Variants in MAFF observed in about 807,000 individuals in gnomAD.
MAFF encodes transcription factor MafF.
MAFF carries 4 observed loss-of-function variants against 2.7 expected under a neutral mutation model. The ratio of observed to expected loss-of-function variants is 1.48; its 90% CI spans 0.73 to 3.39. The LOEUF (loss-of-function observed/expected upper bound fraction) is 3.39, where lower values mean the gene tolerates loss of function less well. MAFF is among the 30% of genes most tolerant of loss of function. The pLI, the probability that MAFF is intolerant of heterozygous loss-of-function variation, is 0.01. For missense variants in MAFF, 190 were observed against 246.6 expected, an observed-to-expected ratio of 0.77 and a Z score of 1.54; for synonymous variants, 113 against 119.4, an observed-to-expected ratio of 0.95 and a Z score of 0.35.
chr22:38,202,924 T>A lies in MAFF; in HGVS notation c.-32+712T>A, dbSNP rs1295405114. On this transcript the variant is annotated intron_variant, in intron 1 of 2. Transcript: ENST00000338483. This position sits in a 1 kb window ranked among gnomAD's most constrained non-coding sequence, Gnocchi z 7.4. ...TCCGTCCCCGGCTCTCCCCGGAGTTTCCCAGGGCCTCCGCCACGTGACCCC... is the reference window on the plus strand; with the variant it reads ...TCCGTCCCCGGCTCTCCCCGGAGTTACCCAGGGCCTCCGCCACGTGACCCC... 2 of 152,204 alleles carry A rather than the reference T, an allele frequency of 1.3e-5. No homozygotes were observed. The highest frequency in any genetic ancestry group is 2.9e-5 in the Non-Finnish European group (2 of 68,134). The allele number at this position is 152,204 out of a possible 1,614,324, so 9.4% of individuals were successfully genotyped here.
chr22:38,205,380 C>A, intron 1 of MAFF: 1 of 152,138 alleles, frequency 6.6e-6, no homozygotes. Context: ...GGAGGAGGCT[C>A]CAGCAGTGCT....
At chr22:38,206,963 A>G (rs1361814381) in intron 1 of MAFF, among the ~76,000 whole-genome samples, 1 of 152,064 alleles carries the variant, frequency 6.6e-6, no homozygotes, top group Non-Finnish European at 1.5e-5. Context: ...CCCAACACAA[A>G]TCCTGGAGAA....
At position 38,214,307 on chromosome 22, in the gene MAFF, G is replaced by A; in HGVS notation, c.37-113G>A. On this transcript the variant is annotated intron_variant, in intron 2 of 2. Coordinates refer to ENST00000338483, the MANE Select transcript of MAFF (RefSeq NM_012323.4). This position sits in a 1 kb window ranked among gnomAD's most constrained non-coding sequence, Gnocchi z 6.3. ...GATTCCTGCTCCCCTTCGGGGTTTT[G>A]GATCAAGTCCACCCACCACCTCGGC... 1 of 1,048,966 alleles carries A rather than the reference G, an allele frequency of 9.5e-7. No homozygotes were observed. The highest frequency in any genetic ancestry group is 1.3e-6 in the Non-Finnish European group (1 of 747,802). 65.0% of individuals were successfully genotyped at this position (1,048,966 alleles called of 1,614,324 possible).
At chr22:38,204,442 A>G (rs768273117) in intron 1 of MAFF, among the ~76,000 whole-genome samples, 1 of 152,134 alleles carries the variant, frequency 6.6e-6, no homozygotes, top group Non-Finnish European at 1.5e-5. Flanking sequence ...GCTGTGATTC[A>G]CTTCAGGGTC....
At chr22:38,212,644 G>C (rs2091109802) in intron 1 of MAFF, among the ~76,000 whole-genome samples, 1 of 152,162 alleles carries the variant, frequency 6.6e-6, no homozygotes, top group African/African-American at 2.4e-5. Flanking sequence ...ATTGGTCTAG[G>C]GATGGCTGCC....
chr22:38,214,812 C>T lies in MAFF; in HGVS notation c.429C>T (p.Thr143=). 1 of 1,489,828 alleles carries T rather than the reference C, an allele frequency of 6.7e-7. No individual in the cohort carries two copies. The allele number at this position is 1,489,828 out of a possible 1,614,324, so 92.3% of individuals were successfully genotyped here. ...GCGTCATCACCATCGTCAAGTCCAC[C>T]CCGGGCTCGGGGTCTGGCCCCGCCC... ...PASVITIVKS[T]PGSGSGPAHG... is the part of the protein sequence containing the mutation. The change falls in exon 3 of 3, where the codon ACC becomes ACT. Residue 143 remains threonine (T), a synonymous_variant. Transcript: ENST00000338483. The surrounding 1 kb of genome is among the most constrained non-coding windows in gnomAD (Gnocchi z 6.3).
intron 1 of MAFF, among the ~76,000 whole-genome samples, chr22:38,207,945 C>A (rs1192749892): frequency 6.6e-6 from 1 of 152,160 alleles, no homozygotes; most frequent in African/African-American, 2.4e-5. Context: ...AGGTTTCAGT[C>A]CTGGGCCTTT....
rs1238708387 is a variant in MAFF, at chr22:38,214,323, C to A, written c.37-97C>A. 8.3e-7 allele frequency: 1 copy of A among 1,202,650 alleles called. No individual in the cohort carries two copies. The highest frequency in any genetic ancestry group is 1.5e-5 in the African/African-American group (1 of 65,170). The allele number at this position is 1,202,650 out of a possible 1,614,324, so 74.5% of individuals were successfully genotyped here. On this transcript the variant is annotated intron_variant, in intron 2 of 2. Transcript: ENST00000338483. This position sits in a 1 kb window ranked among gnomAD's most constrained non-coding sequence, Gnocchi z 6.3. ...CGGGGTTTTGGATCAAGTCCACCCA[C>A]CACCTCGGCGGCTAAGGCGGTGAAA...
chr22:38,208,553 C>T (rs2091071156), intron 1 of MAFF, among the ~76,000 whole-genome samples: 1 of 152,168 alleles, frequency 6.6e-6, no homozygotes, highest in Admixed American at 6.5e-5. Flanking sequence ...GGCTTGGAAC[C>T]CGGCTTGGTG....
intron 1 of MAFF, among the ~76,000 whole-genome samples, chr22:38,208,610 C>T (rs536718529): frequency 4.6e-5 from 7 of 152,332 alleles, no homozygotes; most frequent in South Asian, 4.1e-4. Flanking sequence ...CACCCTTCCC[C>T]AGTGCCTGCT....
intron 1 of MAFF, among the ~76,000 whole-genome samples, chr22:38,212,387 C>A (rs889146955): frequency 6.6e-6 from 1 of 152,132 alleles, no homozygotes. Context: ...TGGCGGAGAA[C>A]CTGAGAGGAT....
chr22:38,206,644 G>T (rs984614518), intron 1 of MAFF, among the ~76,000 whole-genome samples: 2 of 152,000 alleles, frequency 1.3e-5, no homozygotes, highest in African/African-American at 4.8e-5. Flanking sequence ...GAGCCACCAC[G>T]CCTGGCCTTG....
intron 1 of MAFF, among the ~76,000 whole-genome samples, chr22:38,209,780 C>T (rs1280003133): frequency 7.2e-6 from 1 of 138,940 alleles, no homozygotes; most frequent in Non-Finnish European, 1.5e-5. Context: ...TGTCACTGCA[C>T]TCCAGCCTGG....
rs994193711 is a variant in MAFF at position 38,215,180 on chromosome 22, T to C, written c.*302T>C. The C allele has an allele frequency of 5.8e-6, 2 of 342,580 alleles. No individual in the cohort carries two copies. Among genetic ancestry groups the C allele is most frequent in the South Asian group, 5.0e-5 (1 of 20,138 alleles). 21.2% of individuals were successfully genotyped at this position (342,580 alleles called of 1,614,324 possible). A position where few individuals can be genotyped will look rare whatever the true frequency, so the allele number is the denominator to read the frequency against. Reference sequence around the variant, plus strand: ...ACAGAGCCGGCTTAGAGAACAGCTGTTGGGGGAGAAGAGGGCACCCCTCAT... The same window carrying C: ...ACAGAGCCGGCTTAGAGAACAGCTGCTGGGGGAGAAGAGGGCACCCCTCAT... On this transcript the variant is annotated 3_prime_UTR_variant, in exon 3 of 3. Coordinates refer to ENST00000338483, the MANE Select transcript of MAFF (RefSeq NM_012323.4).
Position 38,214,298 on chromosome 22 carries a change from C to G in MAFF, c.37-122C>G. 2 of 960,394 alleles carry G rather than the reference C, an allele frequency of 2.1e-6. No homozygotes were observed. The highest frequency in any genetic ancestry group is 2.7e-5 in the East Asian group (1 of 36,918). The allele number at this position is 960,394 out of a possible 1,614,324, so 59.5% of individuals were successfully genotyped here. On this transcript the variant is annotated intron_variant, in intron 2 of 2. Coordinates refer to ENST00000338483, the MANE Select transcript of MAFF (RefSeq NM_012323.4). This position sits in a 1 kb window ranked among gnomAD's most constrained non-coding sequence, Gnocchi z 6.3. ...CCCTTCCCGGATTCCTGCTCCCCTT[C>G]GGGGTTTTGGATCAAGTCCACCCAC...
intron 1 of MAFF, among the ~76,000 whole-genome samples, chr22:38,206,674 C>T (rs2091054438): frequency 6.6e-6 from 1 of 152,012 alleles, no homozygotes; most frequent in African/African-American, 2.4e-5. Flanking sequence ...TTATATTTTA[C>T]ACACCAAGAT....
rs1328377368 is a variant in MAFF, at chr22:38,216,497, T to G, written c.*1619T>G. 6.5e-6 allele frequency: 1 copy of G among 154,922 alleles called. No individual in the cohort carries two copies. Among genetic ancestry groups the G allele is most frequent in the Non-Finnish European group, 1.6e-5 (1 of 62,586 alleles). The allele number at this position is 154,922 out of a possible 1,614,324, so 9.6% of individuals were successfully genotyped here. A position where few individuals can be genotyped will look rare whatever the true frequency, so the allele number is the denominator to read the frequency against. ...TAAATAAAGTCAAATTCTTTCTTTT[T>G]CCACAGAGAATAAATGTGTATCCTG... On this transcript the variant is annotated 3_prime_UTR_variant, in exon 3 of 3. Transcript: ENST00000338483.
In MAFF at chr22:38,213,885, T is replaced by C. The variant is rs140474993; in HGVS notation, c.32T>C (p.Leu11Pro). The C allele has an allele frequency of 2.8e-4, 447 of 1,614,186 alleles. No homozygotes were observed. The highest frequency in any genetic ancestry group is 3.6e-4 in the Non-Finnish European group (428 of 1,179,992). Reference protein sequence around the residue: MSVDPLSSKALKIKRELSENT... With the variant: MSVDPLSSKAPKIKRELSENT... Reference sequence around the variant, plus strand: ...GTGGATCCCCTATCCAGCAAAGCTCTAAAGGTGAGGAGGCAGCCTCTGTCA... The same window carrying C: ...GTGGATCCCCTATCCAGCAAAGCTCCAAAGGTGAGGAGGCAGCCTCTGTCA... The change falls in exon 2 of 3, where the codon CTA becomes CCA. Residue 11 changes from leucine (L) to proline (P), a missense_variant. Leu to Pro is a moderately conservative substitution (Grantham distance 98). Coordinates refer to ENST00000338483, the MANE Select transcript of MAFF (RefSeq NM_012323.4).
In MAFF at chr22:38,215,115, C is replaced by G. The variant is rs561449558; in HGVS notation, c.*237C>G. 1.5e-3 allele frequency: 702 copies of G among 464,334 alleles called. 3 individuals are homozygous for G. Among genetic ancestry groups the G allele is most frequent in the Non-Finnish European group, 2.4e-3 (606 of 251,612 alleles). 28.8% of individuals were successfully genotyped at this position (464,334 alleles called of 1,614,324 possible). ...TGGGGCAGAGGTCTGGATCTGGGAT[C>G]GCCCTTGGCTGAAAGTTTAGCCTTT... On this transcript the variant is annotated 3_prime_UTR_variant, in exon 3 of 3. Coordinates refer to ENST00000338483, the MANE Select transcript of MAFF (RefSeq NM_012323.4).
Sources: allele counts gnomAD v4.1 joint callset (sites outside exome capture counted in the v4.1 genomes callset), GRCh38; gene constraint gnomAD v4.1.1; non-coding constraint Gnocchi (gnomAD v3.1); transcripts MANE v1.5; gene names NCBI Gene and HGNC (gene_info 2026-07-23, HGNC 2026-07-21).